PIP5K1B: variants seen among roughly 807,000 people sequenced by gnomAD.
The protein encoded by PIP5K1B is phosphatidylinositol-4-phosphate 5-kinase type 1 beta.
PIP5K1B carries 42 observed loss-of-function variants against 67.0 expected under a neutral mutation model. The ratio of observed to expected loss-of-function variants is 0.63; its 90% CI spans 0.49 to 0.81. The LOEUF is 0.81. PIP5K1B is among the 30% of genes least tolerant of loss of function. The pLI is 0.00. For missense variants in PIP5K1B, 459 were observed against 646.3 expected, an observed-to-expected ratio of 0.71 and a Z score of 3.14; for synonymous variants, 214 against 231.4, an observed-to-expected ratio of 0.92 and a Z score of 0.68.
intron 1 of PIP5K1B, among the ~76,000 whole-genome samples, chr9:68,722,504 C>T (rs543109230): frequency 1.4e-4 from 22 of 152,192 alleles, no homozygotes; most frequent in Admixed American, 4.6e-4. Context: ...TGTGAGCCAC[C>T]GCACCCGGCC....
chr9:68,969,177 G>A (rs1829211821), intron 14 of PIP5K1B, among the ~76,000 whole-genome samples: 1 of 151,968 alleles, frequency 6.6e-6, no homozygotes, highest in Non-Finnish European at 1.5e-5. Flanking sequence ...GACCATCCTG[G>A]CTAACACAGT....
At chr9:68,827,967 C>T (rs540882726) in intron 4 of PIP5K1B, among the ~76,000 whole-genome samples, 1 of 152,298 alleles carries the variant, frequency 6.6e-6, no homozygotes, top group South Asian at 2.1e-4. Flanking sequence ...CTCTCCAAAA[C>T]AAACAGATGT....
At chr9:68,989,899 G>C (rs777501577) in intron 14 of PIP5K1B, among the ~76,000 whole-genome samples, 2 of 151,984 alleles carry the variant, frequency 1.3e-5, no homozygotes, top group Non-Finnish European at 2.9e-5. Context: ...AGAATCACTG[G>C]AACCCAGGAG....
At chr9:68,898,918 T>C (rs1465612898) in intron 8 of PIP5K1B, among the ~76,000 whole-genome samples, 1 of 152,242 alleles carries the variant, frequency 6.6e-6, no homozygotes, top group Non-Finnish European at 1.5e-5. Flanking sequence ...GCTGCCAGAC[T>C]GATCCTCTGA....
intron 8 of PIP5K1B, among the ~76,000 whole-genome samples, chr9:68,903,547 G>A (rs1825465505): frequency 6.6e-6 from 1 of 152,152 alleles, no homozygotes; most frequent in African/African-American, 2.4e-5. Flanking sequence ...CACCACAACT[G>A]TTCAGTAGTC....
rs572879167 is a variant in PIP5K1B, at chr9:68,947,489, G to A, written c.1502+6699G>A. On this transcript the variant is annotated intron_variant, in intron 14 of 15. Transcript: ENST00000265382. Reference sequence around the variant, plus strand: ...CTAGTCAAGAGGCCTATGGGATATCGTTTGCAACTCTGGGCCCCAGCATTG... The same window carrying A: ...CTAGTCAAGAGGCCTATGGGATATCATTTGCAACTCTGGGCCCCAGCATTG... Among the ~76,000 whole-genome samples, 7 of 152,288 alleles carry A rather than the reference G, an allele frequency of 4.6e-5. 1 individual carries two copies. The South Asian group carries it at 8.3e-4, about 18-fold the overall frequency.
intron 1 of PIP5K1B, among the ~76,000 whole-genome samples, chr9:68,708,505 G>A (rs1827230927): frequency 6.6e-6 from 1 of 151,548 alleles, no homozygotes; most frequent in African/African-American, 2.4e-5. Context: ...CTAGACAGTA[G>A]ACTCATGTCA....
chr9:68,784,517 A>G (rs1393090942), intron 2 of PIP5K1B: 1 of 166,650 alleles, frequency 6.0e-6, no homozygotes, highest in Admixed American at 6.5e-5. Context: ...AGTGATTCAC[A>G]TTTATTAGTT....
intron 14 of PIP5K1B, among the ~76,000 whole-genome samples, chr9:68,950,988 C>G (rs1828038051): frequency 6.6e-6 from 1 of 152,232 alleles, no homozygotes; most frequent in Admixed American, 6.5e-5. Flanking sequence ...CCAAACGCCT[C>G]TACCACAACC....
intron 14 of PIP5K1B, among the ~76,000 whole-genome samples, chr9:68,987,106 G>C (rs1189424210): frequency 6.6e-6 from 1 of 151,858 alleles, no homozygotes; most frequent in Admixed American, 6.6e-5. Flanking sequence ...ATGAAAATTA[G>C]CTGGGTGGGG....
intron 2 of PIP5K1B, chr9:68,780,873 G>A (rs201601819): frequency 1.2e-6 from 2 of 1,614,232 alleles, no homozygotes; most frequent in Non-Finnish European, 1.7e-6. Context: ...AGATCCTGGT[G>A]TGTGTGTATC....
chr9:68,727,506 TTAGAGTTATATA>T (rs2132279462), intron 1 of PIP5K1B: 1 of 152,266 alleles, frequency 6.6e-6, no homozygotes, highest in South Asian at 2.1e-4. Flanking sequence ...TGGTCTATGT[TTAGAGTTATATA>T]AAGAAAGGAG....
At chr9:68,763,752 C>G (rs1338914355) in intron 2 of PIP5K1B, among the ~76,000 whole-genome samples, 1 of 152,124 alleles carries the variant, frequency 6.6e-6, no homozygotes, top group Non-Finnish European at 1.5e-5. Context: ...AATTTACACT[C>G]AAAATAGAAA....
intron 2 of PIP5K1B, among the ~76,000 whole-genome samples, chr9:68,775,426 C>T (rs1830867406): frequency 6.6e-6 from 1 of 152,038 alleles, no homozygotes; most frequent in Admixed American, 6.6e-5. Context: ...GTGTTTGGGG[C>T]CATTATTAAG....
At chr9:68,906,412 C>T (rs1163084350) in intron 8 of PIP5K1B, among the ~76,000 whole-genome samples, 1 of 152,100 alleles carries the variant, frequency 6.6e-6, no homozygotes, top group Admixed American at 6.6e-5. Context: ...TAGAAAATGT[C>T]CGTGGGGGGA....
intron 6 of PIP5K1B, among the ~76,000 whole-genome samples, chr9:68,880,747 G>A (rs1027207734): frequency 6.6e-5 from 10 of 152,042 alleles, no homozygotes; most frequent in African/African-American, 2.2e-4. Context: ...CACATCTCTG[G>A]GGCTTGCAAG....
chr9:68,860,365 G>A (rs1402171881), intron 4 of PIP5K1B, among the ~76,000 whole-genome samples: 1 of 152,156 alleles, frequency 6.6e-6, no homozygotes, highest in Non-Finnish European at 1.5e-5. Flanking sequence ...TTCCTAGTAT[G>A]TCAGCAAAAT....
chr9:68,981,140 C>G (rs979465392), intron 14 of PIP5K1B, among the ~76,000 whole-genome samples: 1 of 151,922 alleles, frequency 6.6e-6, no homozygotes, highest in Non-Finnish European at 1.5e-5. Flanking sequence ...AAAAGTTGTT[C>G]GGTGTTTTTT....
intron 2 of PIP5K1B, among the ~76,000 whole-genome samples, chr9:68,776,102 A>G (rs1012907595): frequency 3.9e-5 from 6 of 152,158 alleles, no homozygotes; most frequent in Non-Finnish European, 2.9e-5. Flanking sequence ...CTAAGTTCCT[A>G]TGGTTTTAAA....
Sources: allele counts gnomAD v4.1 joint callset (sites outside exome capture counted in the v4.1 genomes callset), GRCh38; gene constraint gnomAD v4.1.1; transcripts MANE v1.5; gene names NCBI Gene and HGNC (gene_info 2026-07-23, HGNC 2026-07-21).